NR6A1: variants seen among roughly 807,000 people sequenced by gnomAD.
The protein encoded by NR6A1 is nuclear receptor subfamily 6 group A member 1.
NR6A1 carries 7 observed loss-of-function variants against 59.1 expected under a neutral mutation model. That is an observed-to-expected ratio of 0.12 (90% CI 0.07 to 0.22). The LOEUF is 0.22. Among genes scored for constraint, NR6A1 ranks in the 10% least tolerant of loss-of-function variants. The pLI is 1.00. For missense variants in NR6A1, 468 were observed against 611.6 expected (o/e 0.77, Z 2.48); for synonymous variants, 243 against 236.1 (o/e 1.03, Z -0.27).
At chr9:124,715,340 T>G (rs1021260840) in intron 2 of NR6A1, among the ~76,000 whole-genome samples, 1 of 151,854 alleles carries the variant, frequency 6.6e-6, no homozygotes, top group South Asian at 2.1e-4. Context: ...CTGGACAACA[T>G]AGTGAGACCC....
chr9:124,655,084 G>A (rs1334401978), intron 2 of NR6A1, among the ~76,000 whole-genome samples: 2 of 152,110 alleles, frequency 1.3e-5, no homozygotes, highest in Non-Finnish European at 2.9e-5. Context: ...CCCTATAAAA[G>A]GTCCAAGTAA....
intron 2 of NR6A1, among the ~76,000 whole-genome samples, chr9:124,711,433 T>TAA (rs1053792246): frequency 7.1e-6 from 1 of 141,754 alleles, no homozygotes; most frequent in Non-Finnish European, 1.6e-5. Context: ...TATTTCCATT[T>TAA]AAAAAAAAAA....
chr9:124,720,331 G>T (rs909229739), intron 2 of NR6A1, among the ~76,000 whole-genome samples: 1 of 152,098 alleles, frequency 6.6e-6, no homozygotes, highest in Non-Finnish European at 1.5e-5. Context: ...GATTACAGGC[G>T]CGAGCCACCA....
At chr9:124,729,912 A>G (rs1839834276) in intron 2 of NR6A1, among the ~76,000 whole-genome samples, 1 of 151,484 alleles carries the variant, frequency 6.6e-6, no homozygotes, top group African/African-American at 2.4e-5. Context: ...TCCCAGGTTC[A>G]AGCAATTCTC....
intron 2 of NR6A1, among the ~76,000 whole-genome samples, chr9:124,558,800 A>C (rs1833997005): frequency 1.3e-5 from 2 of 152,122 alleles, no homozygotes; most frequent in African/African-American, 4.8e-5. Context: ...ACATGCAGGT[A>C]AGTCAGTCCC....
At chr9:124,710,268 A>G (rs1839238259) in intron 2 of NR6A1, among the ~76,000 whole-genome samples, 1 of 152,184 alleles carries the variant, frequency 6.6e-6, no homozygotes. Context: ...CAGAAAAACA[A>G]TTCCTTAAAA....
intron 4 of NR6A1, among the ~76,000 whole-genome samples, chr9:124,541,276 G>A (rs1438274157): frequency 6.6e-6 from 1 of 151,172 alleles, no homozygotes; most frequent in Non-Finnish European, 1.5e-5. Flanking sequence ...CATAACTCAG[G>A]AACAGAAAAA....
intron 2 of NR6A1, among the ~76,000 whole-genome samples, chr9:124,643,448 A>G (rs1325556962): frequency 6.6e-6 from 1 of 152,022 alleles, no homozygotes; most frequent in African/African-American, 2.4e-5. Context: ...CAAAAATACA[A>G]AAATTAGCCA....
rs1473795326 is a variant in NR6A1, at chr9:124,519,131, G to A, written c.*3574C>T. 2.6e-5 allele frequency: 4 copies of A among 152,284 alleles called. No individual in the cohort carries two copies. Among genetic ancestry groups the A allele is most frequent in the Non-Finnish European group, 2.9e-5 (2 of 68,066 alleles). The allele number at this position is 152,284 out of a possible 1,614,324, so 9.4% of individuals were successfully genotyped here. ...TTAAGGATCTGGTAACAGTGACCAT[G>A]GCAGGTACTCACCTCCCTGAAAAAG... On this transcript the variant is annotated 3_prime_UTR_variant, in exon 10 of 10. Coordinates refer to ENST00000487099, the MANE Select transcript of NR6A1 (RefSeq NM_033334.4).
intron 2 of NR6A1, among the ~76,000 whole-genome samples, chr9:124,705,563 T>C (rs72763303): frequency 0.016 from 2,400 of 152,348 alleles, 34 homozygotes; most frequent in Non-Finnish European, 0.028. Context: ...ATCTAAGGTA[T>C]GTCCATTATT....
chr9:124,663,312 C>T (rs987370029), intron 2 of NR6A1, among the ~76,000 whole-genome samples: 9 of 152,148 alleles, frequency 5.9e-5, no homozygotes, highest in Admixed American at 1.3e-4. Context: ...ATAAATTGGA[C>T]GTGATAAACA....
At chr9:124,763,913 G>A (rs1257595604) in intron 1 of NR6A1, among the ~76,000 whole-genome samples, 1 of 152,154 alleles carries the variant, frequency 6.6e-6, no homozygotes, top group Admixed American at 6.5e-5. Context: ...GCCAGGCGCG[G>A]TGGCTCATGT....
chr9:124,524,652 C>G, intron 9 of NR6A1, 69 bp downstream of exon 9: 1 of 1,563,352 alleles, frequency 6.4e-7, no homozygotes, highest in Non-Finnish European at 8.7e-7. Context: ...GAAAACACTG[C>G]TTGCCTCATT....
intron 2 of NR6A1, among the ~76,000 whole-genome samples, chr9:124,560,615 C>T (rs1395048986): frequency 3.3e-5 from 5 of 152,094 alleles, no homozygotes; most frequent in Admixed American, 1.3e-4. Context: ...GGCTGGAGTG[C>T]AATGGCCCAA....
chr9:124,713,067 T>C (rs994702277), intron 2 of NR6A1, among the ~76,000 whole-genome samples: 2 of 152,178 alleles, frequency 1.3e-5, no homozygotes, highest in Non-Finnish European at 2.9e-5. Context: ...ATGACAGACA[T>C]AGACCAATGG....
intron 2 of NR6A1, among the ~76,000 whole-genome samples, chr9:124,732,365 G>A (rs1264870747): frequency 6.6e-6 from 1 of 152,150 alleles, no homozygotes; most frequent in African/African-American, 2.4e-5. Context: ...GTATACACTG[G>A]ATACTCCCAT....
At chr9:124,756,487 C>G (rs1334061045) in intron 1 of NR6A1, among the ~76,000 whole-genome samples, 2 of 152,200 alleles carry the variant, frequency 1.3e-5, no homozygotes, top group Non-Finnish European at 2.9e-5. Flanking sequence ...GCAAATATGA[C>G]TTATGCTTTA....
rs1054896262 is a variant in NR6A1, at chr9:124,611,173, C to T, written c.143-56603G>A. Among the ~76,000 whole-genome samples the T allele has an allele frequency of 6.9e-4, 93 of 134,502 alleles. 1 individual carries two copies. The highest frequency in any genetic ancestry group is 2.5e-3 in the African/African-American group (90 of 36,506). The allele number at this position is 134,502 out of a possible 152,430, so 88.2% of individuals were successfully genotyped here. On this transcript the variant is annotated intron_variant, in intron 2 of 9. Transcript: ENST00000487099. ...CTCTGTGAGCCTTCACTTCCCTTACCAAAAAAAAAACAAAATTGGGATCAG... is the reference window on the plus strand; with the variant it reads ...CTCTGTGAGCCTTCACTTCCCTTACTAAAAAAAAAACAAAATTGGGATCAG...
chr9:124,560,734 T>C (rs1834064034), intron 2 of NR6A1, among the ~76,000 whole-genome samples: 1 of 152,088 alleles, frequency 6.6e-6, no homozygotes, highest in Non-Finnish European at 1.5e-5. Context: ...CTAATTTTTG[T>C]ATTTTTAGTA....
Sources: allele counts gnomAD v4.1 joint callset (sites outside exome capture counted in the v4.1 genomes callset), GRCh38; gene constraint gnomAD v4.1.1; transcripts MANE v1.5; gene names NCBI Gene and HGNC (gene_info 2026-07-23, HGNC 2026-07-21).